Variants in NAALADL2 observed in about 807,000 individuals in gnomAD.
The protein encoded by NAALADL2 is inactive N-acetylated-alpha-linked acidic dipeptidase-like protein 2.
Under a neutral mutation model 87.2 loss-of-function variants are expected in NAALADL2, and 76 were observed. The observed-to-expected ratio is 0.87, with a 90% confidence interval of 0.72 to 1.05. The LOEUF is 1.05. Among genes scored for constraint, NAALADL2 ranks in the 50% least tolerant of loss-of-function variants. NAALADL2 has a pLI of 0.00. For missense variants in NAALADL2, 1,089 were observed against 945.8 expected (o/e 1.15, Z -1.99); for synonymous variants, 354 against 331.0 (o/e 1.07, Z -0.75).
chr3:175,137,281 T>C (rs11713104), intron 2 of NAALADL2, among the ~76,000 whole-genome samples: 31,987 of 152,000 alleles, frequency 0.21, 3,876 homozygotes, highest in South Asian at 0.33. Flanking sequence ...GATGTATAAT[T>C]TTTTTAAATG....
At chr3:175,027,777 A>G (rs1184829344) in intron 1 of NAALADL2, among the ~76,000 whole-genome samples, 2 of 152,098 alleles carry the variant, frequency 1.3e-5, no homozygotes, top group Non-Finnish European at 2.9e-5. Context: ...GAATTTTTAT[A>G]TTTCTAGCAG....
chr3:174,451,633 C>T (rs928808752), intron 1 of NAALADL2, among the ~76,000 whole-genome samples: 1 of 152,114 alleles, frequency 6.6e-6, no homozygotes, highest in South Asian at 2.1e-4. Context: ...TTATACTAGT[C>T]TATATCTCTG....
intron 1 of NAALADL2, among the ~76,000 whole-genome samples, chr3:175,021,904 T>C (rs778162707): frequency 6.6e-6 from 1 of 152,212 alleles, no homozygotes; most frequent in Admixed American, 6.6e-5. Context: ...TGAAATGTGA[T>C]CTTCAATGTT....
chr3:175,676,603 C>T lies in NAALADL2; in HGVS notation c.1896+49217C>T, dbSNP rs903602982. 8 of 151,666 alleles carry T rather than the reference C, an allele frequency of 5.3e-5. No homozygotes were observed. In the East Asian group the frequency reaches 7.8e-4, roughly 15 times the overall value. The allele number at this position is 151,666 out of a possible 1,614,324, so 9.4% of individuals were successfully genotyped here. ...CTTGCTTCTGTGTACTTCTACCTCT[C>T]GTACTGTGTCTATCCAAATCAGTGT... On this transcript the variant is annotated intron_variant, in intron 11 of 13. Coordinates refer to ENST00000454872, the MANE Select transcript of NAALADL2 (RefSeq NM_207015.3).
chr3:175,083,532 G>A (rs796888610), intron 1 of NAALADL2, among the ~76,000 whole-genome samples: 21 of 152,160 alleles, frequency 1.4e-4, no homozygotes, highest in African/African-American at 4.6e-4. Context: ...TTTTACCTAT[G>A]AAGAACAGTG....
intron 2 of NAALADL2, among the ~76,000 whole-genome samples, chr3:175,201,771 T>C (rs1466549230): frequency 5.3e-5 from 8 of 151,024 alleles, no homozygotes; most frequent in African/African-American, 1.9e-4. Flanking sequence ...TAGCTTGTTA[T>C]TCAATTGAGG....
At chr3:175,051,373 T>C (rs115264005) in intron 1 of NAALADL2, among the ~76,000 whole-genome samples, 1,833 of 152,184 alleles carry the variant, frequency 0.012, 36 homozygotes, top group African/African-American at 0.042. Flanking sequence ...AAACCCAGGG[T>C]TTCACAAGGC....
At chr3:174,824,224 A>T (rs1471714498) in intron 3 of NAALADL2, among the ~76,000 whole-genome samples, 1 of 152,186 alleles carries the variant, frequency 6.6e-6, no homozygotes, top group South Asian at 2.1e-4. Context: ...AAAAAGGTGC[A>T]TATGTAAAAT....
Position 174,843,185 on chromosome 3 carries a change from A to C in NAALADL2, c.-9+105439A>C, listed in dbSNP as rs139633856. ...TTAACCATCATCACCCTACTGTACA[A>C]TAGAGCATCAGAACTTATTTCTTCT... On this transcript the variant is annotated intron_variant, in intron 3 of 3. Coordinates refer to the NAALADL2 transcript ENST00000434257. Among the ~76,000 whole-genome samples, 430 of 152,274 alleles carry C rather than the reference A, an allele frequency of 2.8e-3. 2 individuals are homozygous for C. The highest frequency in any genetic ancestry group is 9.6e-3 in the African/African-American group (399 of 41,566).
intron 9 of NAALADL2, among the ~76,000 whole-genome samples, chr3:175,574,242 A>G (rs1442331634): frequency 2.0e-5 from 3 of 152,212 alleles, no homozygotes; most frequent in Admixed American, 2.0e-4. Context: ...TCTATTAAAA[A>G]CAACCATCTG....
At chr3:174,994,288 G>C (rs1210573677) in intron 1 of NAALADL2, among the ~76,000 whole-genome samples, 3 of 152,172 alleles carry the variant, frequency 2.0e-5, no homozygotes, top group Non-Finnish European at 2.9e-5. Context: ...GATTAATAAA[G>C]TGTGGCAGAG....
chr3:175,775,977 G>A (rs1348998978), intron 13 of NAALADL2, among the ~76,000 whole-genome samples: 2 of 151,998 alleles, frequency 1.3e-5, no homozygotes, highest in African/African-American at 4.8e-5. Context: ...ATGTCTTACC[G>A]TCTGTATCCT....
intron 13 of NAALADL2, among the ~76,000 whole-genome samples, chr3:175,761,826 C>T (rs531567706): frequency 5.9e-5 from 9 of 152,214 alleles, no homozygotes; most frequent in South Asian, 2.1e-4. Context: ...TCAGCTCTTT[C>T]GCCCATTTTT....
At chr3:175,407,780 T>G (rs184779302) in intron 5 of NAALADL2, among the ~76,000 whole-genome samples, 148 of 152,318 alleles carry the variant, frequency 9.7e-4, no homozygotes, top group Non-Finnish European at 1.1e-3. Flanking sequence ...TTTTATTTTC[T>G]GCCAATAAGC....
At chr3:175,331,310 A>G (rs1164187472) in intron 5 of NAALADL2, among the ~76,000 whole-genome samples, 1 of 152,210 alleles carries the variant, frequency 6.6e-6, no homozygotes, top group African/African-American at 2.4e-5. Flanking sequence ...TCATGCCAGC[A>G]TTACTTTGAT....
chr3:175,019,091 C>T lies in NAALADL2; in HGVS notation c.44-77699C>T, dbSNP rs530887565. ...TTCCTGTAGGCATAATATTATACCA[C>T]TCCTGCTGAGCTGACTGGCATTTAT... is the stretch of plus-strand genomic sequence containing the variant. On this transcript the variant is annotated intron_variant, in intron 1 of 13. Transcript: ENST00000454872. 5.3e-5 allele frequency among the ~76,000 whole-genome samples: 8 copies of T among 152,142 alleles called. No individual in the cohort carries two copies. The East Asian group carries it at 1.5e-3, about 29-fold the overall frequency.
At chr3:175,450,708 A>G (rs1475929558) in intron 6 of NAALADL2, among the ~76,000 whole-genome samples, 1 of 152,058 alleles carries the variant, frequency 6.6e-6, no homozygotes, top group Non-Finnish European at 1.5e-5. Context: ...ACCAGAATCT[A>G]TTTCTAGGGA....
intron 1 of NAALADL2, among the ~76,000 whole-genome samples, chr3:174,879,006 T>C (rs1370161288): frequency 2.0e-5 from 3 of 152,096 alleles, no homozygotes; most frequent in African/African-American, 7.2e-5. Flanking sequence ...TAACGTTATT[T>C]TGTGTAGCCC....
At chr3:174,468,152 T>G (rs1716650394) in intron 1 of NAALADL2, among the ~76,000 whole-genome samples, 1 of 152,158 alleles carries the variant, frequency 6.6e-6, no homozygotes. Context: ...TTTGTTCATT[T>G]AATTCCAAAA....
Sources: gnomAD v4.1 joint callset for allele counts (sites outside exome capture counted in the v4.1 genomes callset) on GRCh38, gnomAD v4.1.1 for gene constraint, MANE v1.5 for transcripts, NCBI Gene and HGNC (gene_info 2026-07-23, HGNC 2026-07-21) for gene names.